Variants in SEC14L1 observed in about 807,000 individuals in gnomAD.
SEC14L1 encodes SEC14 like lipid binding 1.
In SEC14L1, 48 loss-of-function variants were observed where a neutral mutation model predicts 85.3. That is an observed-to-expected ratio of 0.56 (90% CI 0.45 to 0.72). SEC14L1 has a LOEUF of 0.72. Ranked by LOEUF, SEC14L1 falls within the 30% of genes least tolerant of loss-of-function variation. SEC14L1 has a pLI of 0.00. For synonymous variants in SEC14L1, 391 were observed against 355.5 expected, an observed-to-expected ratio of 1.10 and a Z score of -1.12; for missense variants, 682 against 921.4, an observed-to-expected ratio of 0.74 and a Z score of 3.36.
chr17:77,122,741 C>T (rs1157841270), intron 3 of SEC14L1, among the ~76,000 whole-genome samples: 1 of 152,240 alleles, frequency 6.6e-6, no homozygotes, highest in Non-Finnish European at 1.5e-5. Flanking sequence ...TAAGAACACA[C>T]AACTGCAAGG....
chr17:77,090,032 A>C, intron 2 of SEC14L1: 1 of 149,318 alleles, frequency 6.7e-6, no homozygotes, highest in Non-Finnish European at 1.5e-5. Context: ...AAAAAAAAAA[A>C]AAAGTCATAA....
At chr17:77,210,497 G>C (rs1224801809) in intron 14 of SEC14L1, 2 of 152,800 alleles carry the variant, frequency 1.3e-5, no homozygotes, top group Non-Finnish European at 2.9e-5. Flanking sequence ...ACTGCGGCCT[G>C]CTTCCTGCCG....
intron 3 of SEC14L1, among the ~76,000 whole-genome samples, chr17:77,170,408 T>C (rs1270599041): frequency 6.6e-6 from 1 of 152,176 alleles, no homozygotes; most frequent in Non-Finnish European, 1.5e-5. Flanking sequence ...GAGCTTTTCT[T>C]CTTTCCAACT....
chr17:77,142,362 C>T (rs558436468), intron 1 of SEC14L1, among the ~76,000 whole-genome samples: 10 of 152,062 alleles, frequency 6.6e-5, no homozygotes, highest in African/African-American at 2.4e-4. Context: ...ATCCCTTGAG[C>T]CCAGGAGTTT....
At chr17:77,186,149 C>T (rs1355051731) in intron 3 of SEC14L1, among the ~76,000 whole-genome samples, 1 of 152,162 alleles carries the variant, frequency 6.6e-6, no homozygotes, top group East Asian at 1.9e-4. Flanking sequence ...GTGCTCCCTC[C>T]ATCCCAGCTC....
rs762046920 is a variant in SEC14L1, at chr17:77,143,570, TGA to T, written c.-23_-22del. On this transcript the variant is annotated 5_prime_UTR_variant, in exon 3 of 17. Transcript: ENST00000436233. ...CACATATATTTATGTTTTGCAGGTG[TGA>T]GAGGGTTGCTGTTGTATTGCAATCA... 3 of 1,601,234 alleles carry T rather than the reference TGA, an allele frequency of 1.9e-6. No homozygotes were observed. In the Admixed American group the frequency reaches 5.0e-5, roughly 27 times the overall value.
intron 3 of SEC14L1, among the ~76,000 whole-genome samples, chr17:77,115,115 T>C (rs529563816): frequency 3.5e-4 from 54 of 152,226 alleles, no homozygotes; most frequent in Middle Eastern, 3.4e-3. Context: ...CCCCTGCATC[T>C]GCAGCTGTGT....
At position 77,214,925 on chromosome 17, in the gene SEC14L1, C is replaced by T. The variant is rs781659435; in HGVS notation, c.*902C>T. 58 of 985,306 alleles carry T rather than the reference C, an allele frequency of 5.9e-5. No homozygotes were observed. Among genetic ancestry groups the T allele is most frequent in the Non-Finnish European group, 6.9e-5 (57 of 829,974 alleles). The allele number at this position is 985,306 out of a possible 1,614,324, so 61.0% of individuals were successfully genotyped here. A position where few individuals can be genotyped will look rare whatever the true frequency, so the allele number is the denominator to read the frequency against. On this transcript the variant is annotated 3_prime_UTR_variant, in exon 17 of 17. Coordinates refer to ENST00000436233, the MANE Select transcript of SEC14L1 (RefSeq NM_001143998.2). ...AGCCACTAGGAGGCCGTCTTGGAAC[C>T]AGCAAGTCGCATTTGCCACTTGACA...
intron 3 of SEC14L1, among the ~76,000 whole-genome samples, chr17:77,102,829 T>C (rs1360842421): frequency 2.0e-5 from 3 of 151,870 alleles, no homozygotes; most frequent in Non-Finnish European, 4.4e-5. Context: ...AAAGACAGAG[T>C]CTTACTTTGT....
chr17:77,164,626 G>C (rs561802379), intron 3 of SEC14L1, among the ~76,000 whole-genome samples: 2 of 152,298 alleles, frequency 1.3e-5, no homozygotes, highest in South Asian at 4.1e-4. Flanking sequence ...TCCCCGGTTT[G>C]TGTCTTAGTC....
intron 3 of SEC14L1, among the ~76,000 whole-genome samples, chr17:77,131,938 T>C (rs1187286310): frequency 3.9e-5 from 6 of 152,300 alleles, no homozygotes; most frequent in African/African-American, 1.4e-4. Flanking sequence ...TTTGGAAATA[T>C]TGAAGGTTGG....
intron 3 of SEC14L1, among the ~76,000 whole-genome samples, chr17:77,189,431 G>A (rs1375816906): frequency 6.6e-6 from 1 of 152,174 alleles, no homozygotes; most frequent in African/African-American, 2.4e-5. Context: ...AGGTTACCAA[G>A]AGGGACTCCA....
At chr17:77,182,547 C>G (rs1210550565) in intron 3 of SEC14L1, among the ~76,000 whole-genome samples, 2 of 152,152 alleles carry the variant, frequency 1.3e-5, no homozygotes, top group Non-Finnish European at 2.9e-5. Flanking sequence ...ATTTGTCTTA[C>G]AGAAATAATT....
rs549007746 is a variant in SEC14L1 at position 77,166,465 on chromosome 17, G to T, written c.63+22806G>T. Among the ~76,000 whole-genome samples the T allele has an allele frequency of 3.1e-3, 471 of 152,254 alleles. 2 individuals are homozygous for T. Among genetic ancestry groups the T allele is most frequent in the African/African-American group, 0.011 (441 of 41,538 alleles). ...GGTAACTGGAGTGGGGCAGACCTGG[G>T]TTCATATCCTGGGTTCAAATTCTCT... On this transcript the variant is annotated intron_variant, in intron 3 of 16. Coordinates refer to ENST00000436233, the MANE Select transcript of SEC14L1 (RefSeq NM_001143998.2).
In SEC14L1 at chr17:77,214,139, A is replaced by G. The variant is rs1215334427; in HGVS notation, c.*116A>G. 7 of 1,471,930 alleles carry G rather than the reference A, an allele frequency of 4.8e-6. No individual in the cohort carries two copies. In the African/African-American group the frequency reaches 8.5e-5, roughly 18 times the overall value. 91.2% of individuals were successfully genotyped at this position (1,471,930 alleles called of 1,614,324 possible). Reference sequence around the variant, plus strand: ...CAGACTCCTCTCACCTCTAGATAGCAAATAGCTCTCAGATGGTAAACGTAG... The same window carrying G: ...CAGACTCCTCTCACCTCTAGATAGCGAATAGCTCTCAGATGGTAAACGTAG... On this transcript the variant is annotated 3_prime_UTR_variant, in exon 17 of 17. Transcript: ENST00000436233.
In SEC14L1 at chr17:77,200,564, G is replaced by T; in HGVS notation, c.900G>T (p.Gln300His). The T allele has an allele frequency of 6.2e-7, 1 of 1,614,124 alleles. No homozygotes were observed. Among genetic ancestry groups the T allele is most frequent in the Non-Finnish European group, 8.5e-7 (1 of 1,179,950 alleles). The change falls in exon 9 of 17, where the codon CAG becomes CAT. Residue 300 changes from glutamine (Q) to histidine (H), a missense_variant. Transcript: ENST00000436233. Reference sequence around the variant, plus strand: ...ACAAAGCCAGAGAGATCATGTGTCAGTCTTTGACGTGGAGAAAGCAGCATC... The same window carrying T: ...ACAAAGCCAGAGAGATCATGTGTCATTCTTTGACGTGGAGAAAGCAGCATC... ...NIDKAREIMC[Q>H]SLTWRKQHQV... is the part of the protein sequence containing the mutation.
Position 77,206,817 on chromosome 17 carries a change from C to T in SEC14L1, c.1431C>T (p.Tyr477=). The T allele has an allele frequency of 1.2e-6, 2 of 1,611,852 alleles. No individual in the cohort carries two copies. The highest frequency in any genetic ancestry group is 1.7e-6 in the Non-Finnish European group (2 of 1,179,414). The change falls in exon 13 of 17, where the codon TAC becomes TAT. Residue 477 remains tyrosine (Y), a synonymous_variant. Coordinates refer to ENST00000436233, the MANE Select transcript of SEC14L1 (RefSeq NM_001143998.2). This position sits in a 1 kb window ranked among gnomAD's most constrained non-coding sequence, Gnocchi z 4.3. ...DYQGPGGLLD[Y]IDKEIIPDFL... is the part of the protein sequence containing the mutation. ...AGGGTCCTGGAGGCCTGCTGGATTA[C>T]ATCGACAAAGAGATTATTCCAGATT...
upstream of SEC14L1, among the ~76,000 whole-genome samples, chr17:77,136,511 G>T (rs1292606128): frequency 6.6e-6 from 1 of 152,220 alleles, no homozygotes; most frequent in Non-Finnish European, 1.5e-5. Context: ...CTTAGCAACA[G>T]AACTCACCGT....
intron 3 of SEC14L1, among the ~76,000 whole-genome samples, chr17:77,106,106 G>A (rs1355634797): frequency 1.3e-5 from 2 of 152,146 alleles, no homozygotes; most frequent in Admixed American, 6.6e-5. Context: ...GAAATTATTT[G>A]GTTCTGGCAG....
Sources: allele counts gnomAD v4.1 joint callset (sites outside exome capture counted in the v4.1 genomes callset), GRCh38; gene constraint gnomAD v4.1.1; non-coding constraint Gnocchi (gnomAD v3.1); transcripts MANE v1.5; gene names NCBI Gene and HGNC (gene_info 2026-07-23, HGNC 2026-07-21).